Variants in AUTS2 observed in about 807,000 individuals in gnomAD.
The protein encoded by AUTS2 is activator of transcription and developmental regulator AUTS2.
Under a neutral mutation model 112.4 loss-of-function variants are expected in AUTS2, and 17 were observed. The ratio of observed to expected loss-of-function variants is 0.15; its 90% CI spans 0.10 to 0.23. The LOEUF is 0.23. Ranked by LOEUF, AUTS2 falls within the 10% of genes least tolerant of loss-of-function variation. The pLI is 1.00. For missense variants in AUTS2, 1,510 were observed against 1,701.6 expected (o/e 0.89, Z 1.98); for synonymous variants, 751 against 702.7 (o/e 1.07, Z -1.09).
At chr7:69,675,293 G>A (rs941813288) in intron 1 of AUTS2, among the ~76,000 whole-genome samples, 3 of 151,984 alleles carry the variant, frequency 2.0e-5, no homozygotes, top group African/African-American at 4.8e-5. Context: ...CTTGAATCTT[G>A]CTATTTGTTT....
At chr7:70,607,628 C>T (rs183710949) in intron 5 of AUTS2, among the ~76,000 whole-genome samples, 24 of 152,240 alleles carry the variant, frequency 1.6e-4, no homozygotes, top group African/African-American at 4.8e-4. Context: ...TTCCTTCAGG[C>T]GACGCTGCAG....
intron 5 of AUTS2, among the ~76,000 whole-genome samples, chr7:70,583,770 T>C (rs1316740270): frequency 6.6e-6 from 1 of 152,182 alleles, no homozygotes; most frequent in Non-Finnish European, 1.5e-5. Context: ...CCTTTCTTTG[T>C]GGAAGAAAGC....
intron 2 of AUTS2, among the ~76,000 whole-genome samples, chr7:69,977,693 T>A (rs1226687452): frequency 1.3e-5 from 2 of 152,222 alleles, no homozygotes; most frequent in Non-Finnish European, 2.9e-5. Flanking sequence ...AGTTTCCCTC[T>A]TTTCTGATTC....
rs186911166 is a variant in AUTS2, at chr7:70,177,494, T to C, written c.660+42923T>C. ...TTTGTCTGGGTCTTGCATGGTGTTT[T>C]AGATCATTTCATTTCTGTTATTTCA... On this transcript the variant is annotated intron_variant, in intron 4 of 18. Coordinates refer to ENST00000342771, the MANE Select transcript of AUTS2 (RefSeq NM_015570.4). Among the ~76,000 whole-genome samples the C allele has an allele frequency of 2.0e-5, 3 of 152,362 alleles. No homozygotes were observed. The East Asian group carries it at 5.8e-4, about 29-fold the overall frequency.
intron 3 of AUTS2, chr7:70,118,829 T>C (rs1175780372): frequency 1.3e-5 from 2 of 152,242 alleles, no homozygotes; most frequent in South Asian, 2.1e-4. Context: ...CTTGTGAGAA[T>C]GCGTCATACC....
At chr7:70,554,219 C>T (rs1160499302) in intron 5 of AUTS2, among the ~76,000 whole-genome samples, 7 of 151,590 alleles carry the variant, frequency 4.6e-5, no homozygotes, top group African/African-American at 1.7e-4. Context: ...CAGGCGTGTA[C>T]CACCACGCCT....
intron 5 of AUTS2, among the ~76,000 whole-genome samples, chr7:70,653,964 T>G (rs1806640815): frequency 6.6e-6 from 1 of 152,216 alleles, no homozygotes; most frequent in Admixed American, 6.5e-5. Context: ...ATCATCATCC[T>G]GCAGTGTTAA....
intron 1 of AUTS2, among the ~76,000 whole-genome samples, chr7:69,629,545 T>C (rs908999514): frequency 6.6e-6 from 1 of 152,218 alleles, no homozygotes; most frequent in Non-Finnish European, 1.5e-5. Flanking sequence ...GACATTTTAA[T>C]GAGATGAGCC....
At chr7:70,757,880 A>T (rs1204704431) in intron 6 of AUTS2, among the ~76,000 whole-genome samples, 1 of 119,736 alleles carries the variant, frequency 8.4e-6, no homozygotes, top group African/African-American at 3.6e-5. Context: ...TAAGTAGTGC[A>T]GTCTCAGCTC....
intron 5 of AUTS2, among the ~76,000 whole-genome samples, chr7:70,604,117 A>G (rs1803612047): frequency 6.6e-6 from 1 of 152,236 alleles, no homozygotes; most frequent in Non-Finnish European, 1.5e-5. Context: ...CATGAAATGA[A>G]TGGCTGAACT....
chr7:70,420,170 T>G (rs531619934), intron 4 of AUTS2, among the ~76,000 whole-genome samples: 1 of 152,336 alleles, frequency 6.6e-6, no homozygotes, highest in East Asian at 1.9e-4. Context: ...TATTTTGGAT[T>G]TTTTAGTGGG....
intron 2 of AUTS2, among the ~76,000 whole-genome samples, chr7:69,940,061 T>C (rs978248644): frequency 2.6e-5 from 4 of 152,300 alleles, no homozygotes; most frequent in Admixed American, 2.6e-4. Context: ...AGAACAAACT[T>C]ATAAGGTAGA....
chr7:70,317,061 G>A (rs970692146), intron 4 of AUTS2: 3 of 152,164 alleles, frequency 2.0e-5, no homozygotes, highest in African/African-American at 7.2e-5. Context: ...CACCACTGGG[G>A]AACACTTGAT....
chr7:69,667,505 G>A (rs1346917459), intron 1 of AUTS2, among the ~76,000 whole-genome samples: 10 of 151,882 alleles, frequency 6.6e-5, no homozygotes, highest in Middle Eastern at 3.4e-3. Context: ...ACAGGTGCAC[G>A]CCACCACACC....
chr7:70,762,828 A>T, intron 6 of AUTS2, 42 bp from the exon 7 acceptor site: 2 of 1,406,030 alleles, frequency 1.4e-6, no homozygotes, highest in Non-Finnish European at 2.0e-6. Context: ...CCACACTCGC[A>T]TGTCATTGCC....
At chr7:70,077,766 C>T (rs890007041) in intron 2 of AUTS2, among the ~76,000 whole-genome samples, 12 of 152,188 alleles carry the variant, frequency 7.9e-5, no homozygotes, top group African/African-American at 2.9e-4. Flanking sequence ...AGGCTGCACT[C>T]TCTGACCAGG....
chr7:70,437,107 A>G (rs1271552402), intron 5 of AUTS2: 1 of 152,338 alleles, frequency 6.6e-6, no homozygotes, highest in African/African-American at 2.4e-5. Context: ...ATTTTAAACA[A>G]AGTGACCTAT....
rs771740497 is a variant in AUTS2, at chr7:69,867,105, A to G, written c.310-32181A>G. On this transcript the variant is annotated intron_variant, in intron 1 of 18. Transcript: ENST00000342771. ...TCTGGTGTGTCTCGTAAAGAGGATG[A>G]AGGAGCAGTGAGAATTGTGTAGACT... Among the ~76,000 whole-genome samples the G allele has an allele frequency of 1.2e-3, 187 of 152,196 alleles. 4 individuals carry two copies. The highest frequency in any genetic ancestry group is 3.2e-4 in the Non-Finnish European group (22 of 68,030).
chr7:70,653,070 C>G (rs1806591838), intron 5 of AUTS2, among the ~76,000 whole-genome samples: 1 of 152,020 alleles, frequency 6.6e-6, no homozygotes, highest in African/African-American at 2.4e-5. Context: ...GCCTGGGCAA[C>G]ATAGGAAGAC....
Sources: allele counts gnomAD v4.1 joint callset (sites outside exome capture counted in the v4.1 genomes callset), GRCh38; gene constraint gnomAD v4.1.1; transcripts MANE v1.5; gene names NCBI Gene and HGNC (gene_info 2026-07-23, HGNC 2026-07-21).